Variants in CRK observed in about 807,000 individuals in gnomAD.
CRK encodes adapter molecule crk.
In CRK, 4 loss-of-function variants were observed where a neutral mutation model predicts 29.8. The observed-to-expected ratio is 0.13, with a 90% CI of 0.07 to 0.31. The LOEUF is 0.31. CRK is among the 10% of genes least tolerant of loss of function. CRK has a pLI of 1.00. For missense variants in CRK, 274 were observed against 396.5 expected (o/e 0.69, Z 2.62); for synonymous variants, 153 against 164.9 (o/e 0.93, Z 0.55).
intron 1 of CRK, among the ~76,000 whole-genome samples, chr17:1,438,322 G>T (rs563960568): frequency 8.3e-4 from 127 of 152,148 alleles, no homozygotes; most frequent in Middle Eastern, 6.8e-3. Context: ...TAGAGATGGG[G>T]TTTCACTATG....
At chr17:1,439,147 G>C (rs1363722874) in intron 1 of CRK, among the ~76,000 whole-genome samples, 1 of 152,076 alleles carries the variant, frequency 6.6e-6, no homozygotes, top group African/African-American at 2.4e-5. Flanking sequence ...CCAGGCTGGC[G>C]TGCAGTGGCA....
intron 2 of CRK, among the ~76,000 whole-genome samples, chr17:1,433,986 C>A (rs926163397): frequency 6.6e-6 from 1 of 152,074 alleles, no homozygotes; most frequent in Admixed American, 6.6e-5. Flanking sequence ...AGGCGTAAGT[C>A]ACAGCACCTG....
At position 1,456,181 on chromosome 17, in the gene CRK, C is replaced by T; in HGVS notation, c.-64G>A. The T allele has an allele frequency of 7.3e-7, 1 of 1,373,216 alleles. No homozygotes were observed. The allele number at this position is 1,373,216 out of a possible 1,614,324, so 85.1% of individuals were successfully genotyped here. A position where few individuals can be genotyped will look rare whatever the true frequency, so the allele number is the denominator to read the frequency against. On this transcript the variant is annotated 5_prime_UTR_variant, in exon 1 of 3. Coordinates refer to ENST00000300574, the MANE Select transcript of CRK (RefSeq NM_016823.4). ...CGCGCGCCCCTCCGGCCCCCGGCGC[C>T]CGCCGCCCAGCGGACCGGCTCCGGT... is the stretch of plus-strand genomic sequence containing the variant.
Position 1,455,874 on chromosome 17 carries a change from C to T in CRK, c.241+3G>A, listed in dbSNP as rs947901985. On this transcript the variant is annotated splice_donor_region_variant and intron_variant, in intron 1 of 2. Coordinates refer to ENST00000300574, the MANE Select transcript of CRK (RefSeq NM_016823.4). ...AGGGCCCGCCGTCCCGTCAGTCCCT[C>T]ACCGGGCGGAGGCTGGGCGGGCGAC... is the stretch of plus-strand genomic sequence containing the variant. The T allele has an allele frequency of 1.3e-5, 21 of 1,577,670 alleles. No individual in the cohort carries two copies. The highest frequency in any genetic ancestry group is 9.7e-5 in the East Asian group (4 of 41,372).
At chr17:1,444,183 C>T (rs926690354) in intron 1 of CRK, among the ~76,000 whole-genome samples, 56 of 152,068 alleles carry the variant, frequency 3.7e-4, no homozygotes, top group Non-Finnish European at 2.5e-4. Flanking sequence ...ACTGCAGTAG[C>T]TATGCACAGA....
Position 1,421,715 on chromosome 17 carries a change from G to C in CRK, c.*1798C>G, listed in dbSNP as rs1434834147. The C allele has an allele frequency of 2.0e-5, 3 of 152,198 alleles. No individual in the cohort carries two copies. The highest frequency in any genetic ancestry group is 2.9e-5 in the Non-Finnish European group (2 of 68,034). The allele number at this position is 152,198 out of a possible 1,614,324, so 9.4% of individuals were successfully genotyped here. A position where few individuals can be genotyped will look rare whatever the true frequency, so the allele number is the denominator to read the frequency against. On this transcript the variant is annotated 3_prime_UTR_variant, in exon 3 of 3. Transcript: ENST00000300574. ...ATACGTGCACACTGACTGTGTGTCA[G>C]ACAGTGTGCCGGTCACTCGGACACC...
chr17:1,449,897 T>C (rs2074004229), intron 1 of CRK, among the ~76,000 whole-genome samples: 1 of 152,144 alleles, frequency 6.6e-6, no homozygotes, highest in South Asian at 2.1e-4. Context: ...TCTGTACCCA[T>C]GCCTTTAAAA....
At chr17:1,455,668 C>A (rs1476823913) in intron 1 of CRK, among the ~76,000 whole-genome samples, 1 of 151,750 alleles carries the variant, frequency 6.6e-6, no homozygotes, top group Non-Finnish European at 1.5e-5. Context: ...TCCCCAGGCA[C>A]ACCCCGGGGC....
At chr17:1,447,952 C>T (rs1272600248) in intron 1 of CRK, among the ~76,000 whole-genome samples, 2 of 152,062 alleles carry the variant, frequency 1.3e-5, no homozygotes, top group East Asian at 3.9e-4. Flanking sequence ...TTGCTCCCTC[C>T]CTTCCTTCTC....
chr17:1,437,862 C>T (rs1375954720), intron 1 of CRK, among the ~76,000 whole-genome samples: 3 of 142,928 alleles, frequency 2.1e-5, no homozygotes, highest in Non-Finnish European at 4.5e-5. Flanking sequence ...GACGGGGTTT[C>T]ACCATGTTGG....
chr17:1,456,010 C>G lies in CRK; in HGVS notation c.108G>C (p.Leu36=), dbSNP rs2074054271. The G allele has an allele frequency of 8.8e-6, 14 of 1,598,850 alleles. No homozygotes were observed. The highest frequency in any genetic ancestry group is 1.4e-5 in the African/African-American group (1 of 72,626). The change falls in exon 1 of 3, where the codon CTG becomes CTC. Residue 36 remains leucine (L), a synonymous_variant. Coordinates refer to ENST00000300574, the MANE Select transcript of CRK (RefSeq NM_016823.4). ...CGGGGCTGGTGCTCGAGTCCCGCAC[C>G]AGGAACACCCCGTGCCGCTGGCCCT... ...LLQGQRHGVF[L]VRDSSTSPGD... is the part of the protein sequence containing the mutation.
At chr17:1,433,088 G>C (rs8064892) in intron 2 of CRK, among the ~76,000 whole-genome samples, 22,641 of 152,054 alleles carry the variant, frequency 0.15, 2,261 homozygotes, top group African/African-American at 0.28. Flanking sequence ...AAGGCTAATC[G>C]ATCCTGGTGC....
chr17:1,431,193 C>G (rs965247827), intron 2 of CRK, among the ~76,000 whole-genome samples: 2 of 152,100 alleles, frequency 1.3e-5, no homozygotes, highest in African/African-American at 4.8e-5. Context: ...ATTTAGAGAC[C>G]AGGTCTTCCT....
intron 2 of CRK, among the ~76,000 whole-genome samples, chr17:1,429,259 AG>A (rs2073813906): frequency 6.6e-6 from 1 of 151,740 alleles, no homozygotes; most frequent in Non-Finnish European, 1.5e-5. Flanking sequence ...TGGGAGACTG[AG>A]GGGAGAGGAA....
intron 2 of CRK, among the ~76,000 whole-genome samples, chr17:1,427,479 C>G (rs8076529): frequency 1.7e-4 from 26 of 149,910 alleles, no homozygotes; most frequent in Admixed American, 2.7e-4. Context: ...TGTAGTCCCA[C>G]CTACTCGGGA....
chr17:1,434,534 G>A (rs2073872768), intron 2 of CRK, among the ~76,000 whole-genome samples: 1 of 152,180 alleles, frequency 6.6e-6, no homozygotes, highest in Non-Finnish European at 1.5e-5. Flanking sequence ...TGTAATCCCA[G>A]CACTTTGGGA....
chr17:1,452,954 C>T (rs1310814864), intron 1 of CRK, among the ~76,000 whole-genome samples: 1 of 151,966 alleles, frequency 6.6e-6, no homozygotes, highest in Non-Finnish European at 1.5e-5. Flanking sequence ...AAAAAATTTT[C>T]AACAGTTAAC....
chr17:1,453,136 G>C (rs1364275381), intron 1 of CRK, among the ~76,000 whole-genome samples: 2 of 152,132 alleles, frequency 1.3e-5, no homozygotes, highest in African/African-American at 2.4e-5. Flanking sequence ...CTGAATCGTA[G>C]AAAATGGGGT....
intron 1 of CRK, among the ~76,000 whole-genome samples, chr17:1,442,728 G>A (rs879367478): frequency 2.7e-5 from 4 of 147,314 alleles, no homozygotes; most frequent in African/African-American, 7.5e-5. Context: ...CTGCCTCAGC[G>A]CCCCAAGTAG....
Sources: allele counts gnomAD v4.1 joint callset (sites outside exome capture counted in the v4.1 genomes callset), GRCh38; gene constraint gnomAD v4.1.1; transcripts MANE v1.5; gene names NCBI Gene and HGNC (gene_info 2026-07-23, HGNC 2026-07-21).